Variants in IGBP1 observed in about 807,000 individuals in gnomAD.
IGBP1 encodes the protein immunoglobulin-binding protein 1.
Under a neutral mutation model 25.9 loss-of-function variants are expected in IGBP1, and 2 were observed. That is an observed-to-expected ratio of 0.08 (90% CI 0.03 to 0.24). The LOEUF is 0.24. IGBP1 is among the 10% of genes least tolerant of loss of function. The pLI, the probability that IGBP1 is intolerant of heterozygous loss-of-function variation, is 1.00. For missense variants in IGBP1, 187 were observed against 260.4 expected (o/e 0.72, Z 1.94); for synonymous variants, 96 against 93.4 (o/e 1.03, Z -0.16).
chrX:70,136,029 T>C (rs768714550), intron 3 of IGBP1, among the ~76,000 whole-genome samples: 1 of 112,018 alleles, frequency 8.9e-6, no homozygotes, highest in Non-Finnish European at 1.9e-5. Context: ...ATAAAGCAGT[T>C]AGCCCAATGT....
intron 3 of IGBP1, among the ~76,000 whole-genome samples, chrX:70,145,197 G>C (rs762879346): frequency 9.0e-5 from 10 of 110,523 alleles, no homozygotes; most frequent in Non-Finnish European, 1.9e-4. Flanking sequence ...ATTCTGGAGA[G>C]TCTAAAGTGG....
intron 6 of IGBP1, among the ~76,000 whole-genome samples, chrX:70,159,340 C>T (rs979128416): frequency 1.8e-5 from 2 of 111,435 alleles, no homozygotes; most frequent in African/African-American, 6.5e-5. Context: ...AAGAAGAAAG[C>T]CAAAGCAAGG....
At chrX:70,139,360 G>A (rs1339615688) in intron 3 of IGBP1, among the ~76,000 whole-genome samples, 1 of 111,201 alleles carries the variant, frequency 9.0e-6, no homozygotes, top group East Asian at 2.8e-4. Flanking sequence ...ATCCAATTGG[G>A]CAAACAGAAA....
At chrX:70,134,937 T>C (rs1185783179) in intron 3 of IGBP1, 121 bp downstream of exon 3, 2 of 688,730 alleles carry the variant, frequency 2.9e-6, no homozygotes, top group Admixed American at 5.2e-5. Flanking sequence ...TTATTGAGCA[T>C]AGGCCCTAGG....
chrX:70,152,712 T>C (rs2085210929), intron 6 of IGBP1, among the ~76,000 whole-genome samples: 2 of 112,229 alleles, frequency 1.8e-5, no homozygotes, highest in South Asian at 3.7e-4. Flanking sequence ...TCTGAAAATG[T>C]AAAGTCACTG....
At position 70,133,817 on chromosome X, in the gene IGBP1, C is replaced by T; in HGVS notation, c.-131C>T. 3 of 567,179 alleles carry T rather than the reference C, an allele frequency of 5.3e-6. No homozygotes were observed. The highest frequency in any genetic ancestry group is 8.6e-6 in the Non-Finnish European group (3 of 347,822). The allele number at this position is 567,179 out of a possible 1,213,427, so 46.7% of individuals were successfully genotyped here. ...AGCGGCTCCCGGAAGTCCTTTGATG[C>T]TTTGTTAACAGTGAAGCTACTGGAC... On this transcript the variant is annotated 5_prime_UTR_variant, in exon 2 of 7. Coordinates refer to ENST00000356413, the MANE Select transcript of IGBP1 (RefSeq NM_001551.3).
intron 6 of IGBP1, among the ~76,000 whole-genome samples, chrX:70,162,233 A>G (rs2085274771): frequency 9.0e-6 from 1 of 111,699 alleles, no homozygotes; most frequent in Admixed American, 9.5e-5. Flanking sequence ...GATAGCATAT[A>G]TAGTATTGTC....
chrX:70,156,832 C>T (rs1414046729), intron 6 of IGBP1, among the ~76,000 whole-genome samples: 2 of 110,659 alleles, frequency 1.8e-5, no homozygotes, highest in African/African-American at 3.3e-5. Flanking sequence ...CCCAGCTATT[C>T]GGGAGGCCGA....
In IGBP1 at chrX:70,151,472, A is replaced by T. The variant is rs774063429; in HGVS notation, c.871+1150A>T. Among the ~76,000 whole-genome samples, 227 of 111,890 alleles carry T rather than the reference A, an allele frequency of 2.0e-3. 2 individuals carry two copies. The highest frequency in any genetic ancestry group is 2.2e-3 in the Non-Finnish European group (119 of 53,182). The stretch of plus-strand genomic sequence containing the variant: ...ATTACAGGCATCAGCCACCGCGCTC[A>T]GCTTCATTTGATCCTCTTAACAACT... On this transcript the variant is annotated intron_variant, in intron 6 of 6. Transcript: ENST00000356413.
rs2085082120 is a variant in IGBP1, at chrX:70,134,371, A to C, written c.189-152A>C. On this transcript the variant is annotated intron_variant, in intron 2 of 6. Transcript: ENST00000356413. The stretch of plus-strand genomic sequence containing the variant: ...GCATAGGCATTGGGTGTGAGCCCTC[A>C]GCCACTTTCATTGAGTGAAACTGGC... The C allele has an allele frequency of 6.5e-6, 4 of 619,305 alleles. 1 individual carries two copies. The highest frequency in any genetic ancestry group is 7.1e-5 in the East Asian group (2 of 28,128). The allele number at this position is 619,305 out of a possible 1,213,427, so 51.0% of individuals were successfully genotyped here.
chrX:70,162,254 C>A (rs2085274932), intron 6 of IGBP1, among the ~76,000 whole-genome samples: 1 of 111,688 alleles, frequency 9.0e-6, no homozygotes. Flanking sequence ...CTCCAAAACC[C>A]ATAACCCTAG....
intron 3 of IGBP1, among the ~76,000 whole-genome samples, chrX:70,145,256 T>A (rs1176136276): frequency 1.8e-5 from 2 of 110,668 alleles, no homozygotes; most frequent in Non-Finnish European, 3.8e-5. Flanking sequence ...AATCTTGATG[T>A]TTTTCCTTGA....
intron 4 of IGBP1, 97 bp downstream of exon 4, chrX:70,146,925 A>G (rs1199074069): frequency 2.1e-5 from 14 of 662,257 alleles, no homozygotes; most frequent in Non-Finnish European, 3.1e-5. Flanking sequence ...CACTGTTTTT[A>G]TCAAGATGAG....
chrX:70,150,293 C>A lies in IGBP1; in HGVS notation c.842C>A (p.Pro281Gln), dbSNP rs200563299. ...CAACATCGGAAATATGGAGCATTAC[C>A]GGATCAGGGAATAGCCAAGGCAGCA... ...YEQHRKYGAL[P>Q]DQGIAKAAPE... Residue 281 changes from proline to glutamine, a missense_variant, in exon 6 of 7, where the codon CCG (proline) becomes CAG (glutamine). Coordinates refer to ENST00000356413, the MANE Select transcript of IGBP1 (RefSeq NM_001551.3). The A allele has an allele frequency of 8.4e-7, 1 of 1,194,015 alleles. No homozygotes were observed. The highest frequency in any genetic ancestry group is 1.1e-6 in the Non-Finnish European group (1 of 881,145).
chrX:70,147,979 T>C (rs775668095), intron 4 of IGBP1, among the ~76,000 whole-genome samples: 19 of 112,467 alleles, frequency 1.7e-4, no homozygotes, highest in South Asian at 7.4e-4. Context: ...CCCTTGAGCA[T>C]GTCTAGATGA....
rs760338017 is a variant in IGBP1 at position 70,158,308 on chromosome X, T to C, written c.872-7525T>C. Among the ~76,000 whole-genome samples, 447 of 111,348 alleles carry C rather than the reference T, an allele frequency of 4.0e-3. 1 individual carries two copies. The highest frequency in any genetic ancestry group is 6.4e-3 in the Non-Finnish European group (340 of 53,076). On this transcript the variant is annotated intron_variant, in intron 6 of 6. Transcript: ENST00000356413. ...TGAGGAGAAATTGCTGAGAGTAGAA[T>C]TGAAATTAAGCAGGACAGGAATAGA...
At chrX:70,144,308 AAAG>A (rs1327670621) in intron 3 of IGBP1, among the ~76,000 whole-genome samples, 21 of 112,187 alleles carry the variant, frequency 1.9e-4, no homozygotes, top group African/African-American at 6.2e-4. Flanking sequence ...AAAAGAAACA[AAAG>A]AACCTTATTC....
At chrX:70,146,527 T>C in intron 3 of IGBP1, 106 bp from the exon 4 acceptor site, 1 of 633,336 alleles carries the variant, frequency 1.6e-6, no homozygotes, top group Non-Finnish European at 2.6e-6. Context: ...GAAATTGGTA[T>C]GCTTACTACC....
intron 5 of IGBP1, 62 bp from the exon 6 acceptor site, chrX:70,150,148 T>G (rs2085193410): frequency 1.0e-5 from 7 of 671,124 alleles, no homozygotes; most frequent in South Asian, 2.3e-5. Flanking sequence ...TAGTACTGGG[T>G]TTTTTTTGTT....
Sources: allele counts gnomAD v4.1 joint callset (sites outside exome capture counted in the v4.1 genomes callset), GRCh38; gene constraint gnomAD v4.1.1; transcripts MANE v1.5; gene names NCBI Gene and HGNC (gene_info 2026-07-23, HGNC 2026-07-21).